SMPDL3A: variants seen among roughly 807,000 people sequenced by gnomAD.
SMPDL3A encodes sphingomyelin phosphodiesterase acid like 3A, also known as cyclic GMP-AMP phosphodiesterase SMPDL3A.
A neutral mutation model predicts 38.5 loss-of-function variants in SMPDL3A; 39 were observed. The ratio of observed to expected loss-of-function variants is 1.01; its 90% CI spans 0.78 to 1.32. The LOEUF (loss-of-function observed/expected upper bound fraction) is 1.32. Among genes scored for constraint, SMPDL3A ranks in the 40% most tolerant of loss-of-function variants. The pLI is 0.00. For synonymous variants in SMPDL3A, 180 were observed against 194.3 expected, an observed-to-expected ratio of 0.93 and a Z score of 0.61; for missense variants, 502 against 536.2, an observed-to-expected ratio of 0.94 and a Z score of 0.63.
At chr6:122,794,800 A>G (rs748758321) in intron 1 of SMPDL3A, among the ~76,000 whole-genome samples, 1 of 152,072 alleles carries the variant, frequency 6.6e-6, no homozygotes, top group Non-Finnish European at 1.5e-5. Context: ...GGGAATTCCT[A>G]TTTTTGGCTT....
chr6:122,790,895 G>A (rs1207809631), intron 1 of SMPDL3A, among the ~76,000 whole-genome samples: 1 of 152,134 alleles, frequency 6.6e-6, no homozygotes, highest in African/African-American at 2.4e-5. Flanking sequence ...GAAACTGCAA[G>A]GTTGAATCCC....
Position 122,795,831 on chromosome 6 carries a change from G to T in SMPDL3A, c.267G>T (p.Leu89Phe). Residue 89 changes from leucine to phenylalanine, a missense_variant, in exon 2 of 8, where the codon TTG (leucine) becomes TTT (phenylalanine). Physicochemically the swap from Leu to Phe is conservative, Grantham distance 22. Coordinates refer to ENST00000368440, the MANE Select transcript of SMPDL3A (RefSeq NM_006714.5). ...VLCDSPYQLI[L>F]SAFDFIKNSG... is the part of the protein sequence containing the mutation. ...GTGATTCTCCATATCAACTTATTTT[G>T]TCAGCATTTGATTTTATTAAAAATT... The T allele has an allele frequency of 6.2e-7, 1 of 1,614,010 alleles. No individual in the cohort carries two copies. The highest frequency in any genetic ancestry group is 2.2e-5 in the East Asian group (1 of 44,862).
chr6:122,796,004 G>A, intron 2 of SMPDL3A, 114 bp downstream of exon 2: 1 of 804,970 alleles, frequency 1.2e-6, no homozygotes, highest in Non-Finnish European at 1.9e-6. Flanking sequence ...AGTTATTTGA[G>A]TTAAAAAAAC....
At chr6:122,791,850 T>C (rs994060597) in intron 1 of SMPDL3A, among the ~76,000 whole-genome samples, 4 of 152,040 alleles carry the variant, frequency 2.6e-5, no homozygotes, top group African/African-American at 9.7e-5. Context: ...CCCGCCACCA[T>C]GCCTGGCTAA....
At chr6:122,804,761 T>A (rs1048530736) in intron 5 of SMPDL3A, 148 bp from the exon 6 acceptor site, 1 of 646,408 alleles carries the variant, frequency 1.5e-6, no homozygotes, top group African/African-American at 1.9e-5. Flanking sequence ...TATAATTTCA[T>A]CTCTTTTTCT....
chr6:122,793,050 C>G (rs1335456675), intron 1 of SMPDL3A, among the ~76,000 whole-genome samples: 1 of 152,122 alleles, frequency 6.6e-6, no homozygotes, highest in Non-Finnish European at 1.5e-5. Flanking sequence ...ATGCATGTAA[C>G]TTGAATTTAA....
At chr6:122,808,637 TCCTTC>T (rs1331379397) in intron 7 of SMPDL3A, among the ~76,000 whole-genome samples, 1,811 of 48,310 alleles carry the variant, frequency 0.037, 30 homozygotes, top group Admixed American at 0.051. Context: ...CTTCCTTCCT[TCCTTC>T]CCCCCCTCCT....
At position 122,805,098 on chromosome 6, in the gene SMPDL3A, A is replaced by G. The variant is rs763004283; in HGVS notation, c.919+9A>G. ...TCTTTCAGATAAAAAAGGTAATGTA[A>G]TGCTGTGTTTGCATCTCCCCAGTCT... On this transcript the variant is annotated intron_variant, in intron 6 of 7. Transcript: ENST00000368440. The G allele has an allele frequency of 1.3e-6, 2 of 1,591,528 alleles. No individual in the cohort carries two copies. Among genetic ancestry groups the G allele is most frequent in the Non-Finnish European group, 1.7e-6 (2 of 1,170,658 alleles).
At chr6:122,789,529 G>A in intron 1 of SMPDL3A, 71 bp downstream of exon 1, 1 of 1,328,054 alleles carries the variant, frequency 7.5e-7, no homozygotes, top group Non-Finnish European at 1.1e-6. Flanking sequence ...CGCACAGCAG[G>A]AGAAAGTGCG....
intron 1 of SMPDL3A, among the ~76,000 whole-genome samples, chr6:122,794,975 G>C (rs1212249907): frequency 6.6e-6 from 1 of 152,178 alleles, no homozygotes; most frequent in Non-Finnish European, 1.5e-5. Context: ...CAAGAAGAAT[G>C]TAAATAATTT....
At chr6:122,798,091 T>C in intron 3 of SMPDL3A, among the ~76,000 whole-genome samples, 1 of 152,236 alleles carries the variant, frequency 6.6e-6, no homozygotes, top group East Asian at 1.9e-4. Flanking sequence ...TTCCATCTCA[T>C]GTCAAATGAA....
Position 122,803,746 on chromosome 6 carries a change from TATA to T in SMPDL3A, c.654_656del (p.Ile218del). On this transcript the variant is annotated inframe_deletion, in exon 5 of 8. Transcript: ENST00000368440. Reference sequence around the variant, plus strand: ...ACACAAACTTGTACTACGGCCCAAATATAATGACACTGAACAAGACTGACCCAG... The same window carrying T: ...ACACAAACTTGTACTACGGCCCAAATATGACACTGAACAAGACTGACCCAG... 1 of 1,613,926 alleles carries T rather than the reference TATA, an allele frequency of 6.2e-7. No individual in the cohort carries two copies. The highest frequency in any genetic ancestry group is 8.5e-7 in the Non-Finnish European group (1 of 1,179,918).
At chr6:122,806,583 T>G (rs1210418442) in intron 7 of SMPDL3A, among the ~76,000 whole-genome samples, 1 of 152,228 alleles carries the variant, frequency 6.6e-6, no homozygotes, top group African/African-American at 2.4e-5. Flanking sequence ...TTCTAAGGAC[T>G]TCACATTTAT....
chr6:122,799,115 T>C (rs1781343500), intron 3 of SMPDL3A, among the ~76,000 whole-genome samples: 1 of 152,206 alleles, frequency 6.6e-6, no homozygotes, highest in Non-Finnish European at 1.5e-5. Flanking sequence ...TACATAAATA[T>C]ACATATACAG....
chr6:122,797,129 C>T (rs529204744), intron 3 of SMPDL3A, 161 bp downstream of exon 3: 11 of 511,560 alleles, frequency 2.2e-5, no homozygotes, highest in South Asian at 1.2e-4. Context: ...ACAAGTACTT[C>T]GGGGACTGTA....
Position 122,806,272 on chromosome 6 carries a change from C to A in SMPDL3A, c.959C>A (p.Thr320Lys), listed in dbSNP as rs1428672451. The A allele has an allele frequency of 1.9e-6, 3 of 1,613,016 alleles. No homozygotes were observed. The East Asian group carries it at 6.7e-5, about 36-fold the overall frequency. Residue 320 changes from threonine (T) to lysine (K), a missense_variant, in exon 7 of 8, where the codon ACA becomes AAA. Thr to Lys is a moderately conservative substitution (Grantham distance 78). Transcript: ENST00000368440. ...VNSLFVAPAV[T>K]PVKSVLEKQT... ...TCTTTGTTTGTGGCTCCTGCTGTTA[C>A]ACCAGTGAAGAGTGTTTTAGAAAAA...
intron 1 of SMPDL3A, among the ~76,000 whole-genome samples, chr6:122,792,205 G>C (rs981688532): frequency 6.6e-6 from 1 of 152,154 alleles, no homozygotes; most frequent in African/African-American, 2.4e-5. Context: ...ACCTGTCAGA[G>C]CTCTGTTCTT....
rs768447379 is a variant in SMPDL3A, at chr6:122,795,748, T to C, written c.184T>C (p.Cys62Arg). 7.4e-6 allele frequency: 12 copies of C among 1,614,210 alleles called. No individual in the cohort carries two copies. The South Asian group carries it at 1.2e-4, about 16-fold the overall frequency. Residue 62 changes from cysteine to arginine, a missense_variant, in exon 2 of 8, where the codon TGT becomes CGT. Coordinates refer to ENST00000368440, the MANE Select transcript of SMPDL3A (RefSeq NM_006714.5). The part of the protein sequence containing the change: ...YHITDDHTKV[C>R]ASSKGANASN... ...CATCACAGATGACCACACAAAAGTG[T>C]GTGCTTCATCTAAAGGTGCAAATGC... is the stretch of plus-strand genomic sequence containing the variant.
At chr6:122,801,157 A>G (rs953515810) in intron 3 of SMPDL3A, among the ~76,000 whole-genome samples, 153 bp from the exon 4 acceptor site, 2 of 152,206 alleles carry the variant, frequency 1.3e-5, no homozygotes, top group African/African-American at 4.8e-5. Context: ...CCAGTCTCCA[A>G]CTAAGTTATA....
Sources: allele counts gnomAD v4.1 joint callset (sites outside exome capture counted in the v4.1 genomes callset), GRCh38; gene constraint gnomAD v4.1.1; transcripts MANE v1.5; gene names NCBI Gene and HGNC (gene_info 2026-07-23, HGNC 2026-07-21).